The following PDE3B variants were observed in gnomAD, a reference collection of about 807,000 sequenced individuals.
The protein encoded by PDE3B is phosphodiesterase 3B.
A neutral mutation model predicts 116.8 loss-of-function variants in PDE3B; 66 were observed. The ratio of observed to expected loss-of-function variants is 0.56; its 90% CI spans 0.46 to 0.69. The LOEUF is 0.69. PDE3B is among the 30% of genes least tolerant of loss of function. PDE3B has a pLI of 0.00. For synonymous variants in PDE3B, 595 were observed against 533.6 expected, an observed-to-expected ratio of 1.12 and a Z score of -1.59; for missense variants, 1,384 against 1,368.1, an observed-to-expected ratio of 1.01 and a Z score of -0.18.
chr11:14,652,098 T>G (rs1853588182), intron 1 of PDE3B, among the ~76,000 whole-genome samples: 1 of 152,208 alleles, frequency 6.6e-6, no homozygotes, highest in African/African-American at 2.4e-5. Context: ...GTTTTAGTTC[T>G]AATATTTAGG....
intron 1 of PDE3B, among the ~76,000 whole-genome samples, chr11:14,710,930 T>C (rs1855682640): frequency 6.6e-6 from 1 of 152,238 alleles, no homozygotes; most frequent in African/African-American, 2.4e-5. Context: ...AAAGAACTTT[T>C]CTTGCTCAAA....
intron 1 of PDE3B, among the ~76,000 whole-genome samples, chr11:14,692,858 A>G (rs1855084804): frequency 6.6e-6 from 1 of 152,162 alleles, no homozygotes; most frequent in South Asian, 2.1e-4. Flanking sequence ...TCTTACCTTA[A>G]ATAGAAAGCC....
At chr11:14,679,278 A>G (rs1018355880) in intron 1 of PDE3B, among the ~76,000 whole-genome samples, 3 of 152,016 alleles carry the variant, frequency 2.0e-5, no homozygotes, top group Non-Finnish European at 4.4e-5. Context: ...TTATAATCAC[A>G]TTAAATTAGT....
chr11:14,827,338 G>T (rs1417876138), intron 7 of PDE3B, among the ~76,000 whole-genome samples: 1 of 152,102 alleles, frequency 6.6e-6, no homozygotes, highest in African/African-American at 2.4e-5. Context: ...GAAAGAGAAA[G>T]AAATAAAGGG....
At chr11:14,851,355 T>G (rs1057497677) in intron 12 of PDE3B, among the ~76,000 whole-genome samples, 6 of 152,194 alleles carry the variant, frequency 3.9e-5, no homozygotes, top group African/African-American at 1.4e-4. Flanking sequence ...GTAGCCATTT[T>G]CTGTTTTTCT....
chr11:14,733,102 G>A (rs529035532), intron 1 of PDE3B, among the ~76,000 whole-genome samples: 1 of 152,232 alleles, frequency 6.6e-6, no homozygotes, highest in African/African-American at 2.4e-5. Context: ...CAAAATGACA[G>A]TGTAAAAATG....
intron 1 of PDE3B, among the ~76,000 whole-genome samples, chr11:14,732,149 A>T (rs1372322400): frequency 6.6e-6 from 1 of 152,202 alleles, no homozygotes; most frequent in African/African-American, 2.4e-5. Flanking sequence ...GGCCCTGAGA[A>T]TGCAGCATGT....
chr11:14,644,704 T>C lies in PDE3B; in HGVS notation c.629T>C (p.Leu210Pro). 6.6e-7 allele frequency: 1 copy of C among 1,523,880 alleles called. No homozygotes were observed. The highest frequency in any genetic ancestry group is 8.8e-7 in the Non-Finnish European group (1 of 1,137,944). The allele number at this position is 1,523,880 out of a possible 1,614,324, so 94.4% of individuals were successfully genotyped here. ...AGCTGCGTAGGGCTGCTGCTGACGC[T>C]CGCGCACCCGCTGCGGCTCCGGCAC... ...VLSCVGLLLT[L>P]AHPLRLRHCV... The change falls in exon 1 of 16, where the codon CTC becomes CCC. Residue 210 changes from leucine to proline, a missense_variant. By Grantham distance (98) the Leu-to-Pro change is moderately conservative. Coordinates refer to ENST00000282096, the MANE Select transcript of PDE3B (RefSeq NM_000922.4).
rs1297788760 is a variant in PDE3B at position 14,811,356 on chromosome 11, G to A, written c.1523-6827G>A. ...GAATTGATTTTTGTATAAGGTGTAA[G>A]GAAGGGATCCAGTTTCAGCTTTGTA... On this transcript the variant is annotated intron_variant, in intron 5 of 15. Transcript: ENST00000282096. Among the ~76,000 whole-genome samples the A allele has an allele frequency of 7.2e-5, 11 of 152,290 alleles. No homozygotes were observed. In the East Asian group the frequency reaches 2.1e-3, roughly 29 times the overall value.
chr11:14,771,585 C>G (rs1205396087), intron 1 of PDE3B, among the ~76,000 whole-genome samples: 1 of 151,656 alleles, frequency 6.6e-6, no homozygotes, highest in African/African-American at 2.4e-5. Context: ...CATGATGAGC[C>G]TTTGGAGATG....
chr11:14,702,074 TGCCTAA>T (rs1447679784), intron 1 of PDE3B, among the ~76,000 whole-genome samples: 1 of 151,622 alleles, frequency 6.6e-6, no homozygotes, highest in East Asian at 1.9e-4. Context: ...TAGGTTAATT[TGCCTAA>T]TTTTTAAAGT....
At chr11:14,780,072 C>T (rs1038316286) in intron 2 of PDE3B, among the ~76,000 whole-genome samples, 3 of 151,738 alleles carry the variant, frequency 2.0e-5, no homozygotes, top group Admixed American at 6.6e-5. Flanking sequence ...GAGACAAGGC[C>T]ATTATATAAT....
intron 12 of PDE3B, among the ~76,000 whole-genome samples, chr11:14,849,339 A>C (rs1847687831): frequency 1.3e-5 from 2 of 151,874 alleles, no homozygotes; most frequent in African/African-American, 2.4e-5. Context: ...AATTAATTCA[A>C]GATGGATTAA....
intron 1 of PDE3B, among the ~76,000 whole-genome samples, chr11:14,759,548 G>A (rs1239885744): frequency 1.5e-5 from 2 of 129,194 alleles, no homozygotes; most frequent in Non-Finnish European, 3.3e-5. Flanking sequence ...ATCAGAAGTA[G>A]TTTTTTTTTT....
chr11:14,794,366 G>T (rs1315261287), intron 4 of PDE3B, among the ~76,000 whole-genome samples: 4 of 150,646 alleles, frequency 2.7e-5, no homozygotes, highest in Non-Finnish European at 5.9e-5. Context: ...GCCCAGGCTG[G>T]AGTGCAGTGG....
chr11:14,750,712 A>G (rs570948344), intron 1 of PDE3B, among the ~76,000 whole-genome samples: 1 of 152,160 alleles, frequency 6.6e-6, no homozygotes, highest in Non-Finnish European at 1.5e-5. Context: ...CTAGACTGCA[A>G]AAGGGGTCCA....
In PDE3B at chr11:14,818,305, G is replaced by A. The variant is rs200970517; in HGVS notation, c.1645G>A (p.Val549Ile). 1.9e-6 allele frequency: 3 copies of A among 1,613,428 alleles called. No homozygotes were observed. The highest frequency in any genetic ancestry group is 2.2e-5 in the East Asian group (1 of 44,850). The change falls in exon 6 of 16, where the codon GTT becomes ATT. Residue 549 changes from valine to isoleucine, a missense_variant. Physicochemically the swap from Val to Ile is conservative, Grantham distance 29. This residue lies in a region of PDE3B where 956 missense variants were observed against 806.8 expected (regional missense o/e 1.18). Transcript: ENST00000282096. ...TGCTGATTTTCTTAATAAGCCAAGC[G>A]TTATCTTGCAGAGATCTCTGGGCAA... ...DTADFLNKPSVILQRSLGNAP... is the reference protein window; with the variant it reads ...DTADFLNKPSIILQRSLGNAP...
At chr11:14,873,547 C>T (rs1250688875), downstream of PDE3B, among the ~76,000 whole-genome samples, 3 of 152,120 alleles carry the variant, frequency 2.0e-5, no homozygotes, top group African/African-American at 2.4e-5. Context: ...ATATCATTCA[C>T]TGAGATAGGG....
At position 14,867,653 on chromosome 11, in the gene PDE3B, C is replaced by T. The variant is rs1555008295; in HGVS notation, c.3034C>T (p.Gln1012Ter). 6.2e-7 allele frequency: 1 copy of T among 1,613,912 alleles called. No homozygotes were observed. The change falls in exon 15 of 16, where the codon CAG becomes TAG. Residue 1012 changes from glutamine (Q) to a stop codon, truncating the protein, a stop_gained. Transcript: ENST00000282096. LOFTEE classifies it high-confidence loss of function. ...TGATGCTGCTGGTTTGCTACCAGGTCAGTGGTTAGAAGCAGAAGAGGATAA... is the reference window on the plus strand; with the variant it reads ...TGATGCTGCTGGTTTGCTACCAGGTTAGTGGTTAGAAGCAGAAGAGGATAA... The part of the protein sequence containing the change: ...SYDAAGLLPG[Q>*]WLEAEEDNDT...
Sources: allele counts gnomAD v4.1 joint callset (sites outside exome capture counted in the v4.1 genomes callset), GRCh38; gene constraint gnomAD v4.1.1; regional missense constraint gnomAD v4.1.1; transcripts MANE v1.5; gene names NCBI Gene and HGNC (gene_info 2026-07-23, HGNC 2026-07-21).